EPHB1: variants seen among roughly 807,000 people sequenced by gnomAD.
The protein encoded by EPHB1 is EPH receptor B1, also known as ephrin type-B receptor 1.
A neutral mutation model predicts 94.4 loss-of-function variants in EPHB1; 30 were observed. That is an observed-to-expected ratio of 0.32 (90% CI 0.24 to 0.43). The LOEUF (loss-of-function observed/expected upper bound fraction) is 0.43, where lower values mean the gene tolerates loss of function less well. Among genes scored for constraint, EPHB1 ranks in the 20% least tolerant of loss-of-function variants. EPHB1 has a pLI of 1.00. For missense variants in EPHB1, 1,055 were observed against 1,308.3 expected, an observed-to-expected ratio of 0.81 and a Z score of 2.99; for synonymous variants, 522 against 489.1, an observed-to-expected ratio of 1.07 and a Z score of -0.89.
intron 3 of EPHB1, among the ~76,000 whole-genome samples, chr3:134,976,299 G>A (rs923817376): frequency 6.6e-6 from 1 of 152,186 alleles, no homozygotes; most frequent in African/African-American, 2.4e-5. Flanking sequence ...TGGGATGAAT[G>A]CAACAGCTCC....
At chr3:135,176,344 G>T (rs1941977705) in intron 9 of EPHB1, among the ~76,000 whole-genome samples, 1 of 152,212 alleles carries the variant, frequency 6.6e-6, no homozygotes, top group Non-Finnish European at 1.5e-5. Context: ...ATGTGACAAT[G>T]CTTTCCTCAA....
intron 11 of EPHB1, among the ~76,000 whole-genome samples, chr3:135,200,981 T>A (rs1942736668): frequency 6.6e-6 from 1 of 152,066 alleles, no homozygotes; most frequent in African/African-American, 2.4e-5. Flanking sequence ...AGTACATTAG[T>A]GATGGGTATG....
At position 134,925,304 on chromosome 3, in the gene EPHB1, C is replaced by T. The variant is rs113402362; in HGVS notation, c.59-512C>T. On this transcript the variant is annotated intron_variant, in intron 1 of 15. Transcript: ENST00000398015. ...TACCCAAGGGTGTCAATATAGATGC[C>T]TGATGGGGAGGCAGAGGAGAATGTG... Among the ~76,000 whole-genome samples, 1,173 of 152,286 alleles carry T rather than the reference C, an allele frequency of 7.7e-3. 5 individuals are homozygous for T. The highest frequency in any genetic ancestry group is 0.013 in the Non-Finnish European group (863 of 68,032).
chr3:134,824,143 T>C (rs2036432676), intron 1 of EPHB1, among the ~76,000 whole-genome samples: 3 of 128,238 alleles, frequency 2.3e-5, no homozygotes, highest in Admixed American at 7.5e-5. Context: ...TTTTTTTTTT[T>C]TTTTTTTGGT....
chr3:135,234,147 A>C (rs971313446), intron 12 of EPHB1, among the ~76,000 whole-genome samples: 1 of 152,216 alleles, frequency 6.6e-6, no homozygotes, highest in Admixed American at 6.5e-5. Flanking sequence ...CAAATTTTCC[A>C]AACTTTTATG....
At chr3:135,061,323 T>C (rs1485444009) in intron 3 of EPHB1, among the ~76,000 whole-genome samples, 1 of 151,590 alleles carries the variant, frequency 6.6e-6, no homozygotes, top group Non-Finnish European at 1.5e-5. Context: ...GTATCATTCT[T>C]ATGCTTTTGT....
At chr3:134,860,040 A>G (rs2037213630) in intron 1 of EPHB1, among the ~76,000 whole-genome samples, 1 of 151,898 alleles carries the variant, frequency 6.6e-6, no homozygotes. Context: ...CTTTTTTCAT[A>G]TGGTTTTTTC....
At chr3:135,224,257 T>C (rs1401782159) in intron 12 of EPHB1, among the ~76,000 whole-genome samples, 1 of 152,240 alleles carries the variant, frequency 6.6e-6, no homozygotes, top group African/African-American at 2.4e-5. Context: ...AATGCATGAC[T>C]GGATTTCCAC....
intron 3 of EPHB1, among the ~76,000 whole-genome samples, chr3:135,032,013 G>A (rs1248108574): frequency 6.6e-6 from 1 of 151,800 alleles, no homozygotes; most frequent in Non-Finnish European, 1.5e-5. Context: ...TTTCTTCGTT[G>A]GAAGCATTCA....
chr3:135,141,502 C>T (rs1017376746), intron 5 of EPHB1, among the ~76,000 whole-genome samples: 1 of 152,024 alleles, frequency 6.6e-6, no homozygotes, highest in African/African-American at 2.4e-5. Context: ...GTGCTGCCTC[C>T]TAAACCAGCG....
At chr3:135,224,098 T>C (rs903534873) in intron 12 of EPHB1, among the ~76,000 whole-genome samples, 1 of 152,238 alleles carries the variant, frequency 6.6e-6, no homozygotes, top group Non-Finnish European at 1.5e-5. Flanking sequence ...GCCAACAGTA[T>C]TCTTCATAGT....
intron 3 of EPHB1, among the ~76,000 whole-genome samples, chr3:134,970,495 C>A (rs1933926919): frequency 6.6e-6 from 1 of 152,192 alleles, no homozygotes; most frequent in Non-Finnish European, 1.5e-5. Context: ...TACTTCATGG[C>A]ACTTATTATA....
intron 3 of EPHB1, among the ~76,000 whole-genome samples, chr3:135,048,159 GGGA>G (rs1341892249): frequency 3.0e-4 from 45 of 151,528 alleles, no homozygotes; most frequent in African/African-American, 1.1e-3. Flanking sequence ...GGAAGGAGGA[GGGA>G]AGGGAATCCT....
At chr3:135,048,818 G>C (rs1401917924) in intron 3 of EPHB1, among the ~76,000 whole-genome samples, 2 of 152,208 alleles carry the variant, frequency 1.3e-5, no homozygotes, top group East Asian at 1.9e-4. Context: ...CATCCTATGA[G>C]TGTCTGTTTC....
At position 135,053,027 on chromosome 3, in the gene EPHB1, GTA is replaced by G. The variant is rs1243029809; in HGVS notation, c.806-53394_806-53393del. 1.4e-4 allele frequency among the ~76,000 whole-genome samples: 16 copies of G among 110,464 alleles called. 1 individual carries two copies. The highest frequency in any genetic ancestry group is 4.2e-3 in the Middle Eastern group (1 of 236). 72.5% of individuals were successfully genotyped at this position (110,464 alleles called of 152,430 possible). On this transcript the variant is annotated intron_variant, in intron 3 of 15. Transcript: ENST00000398015. Reference sequence around the variant, plus strand: ...TGTGTATATATATGTGTGTGTGTGTGTATATATATATATATATATATATATAT... The same window carrying G: ...TGTGTATATATATGTGTGTGTGTGTGTATATATATATATATATATATATAT...
At chr3:134,899,546 G>A (rs527967008) in intron 1 of EPHB1, among the ~76,000 whole-genome samples, 2 of 152,244 alleles carry the variant, frequency 1.3e-5, no homozygotes, top group African/African-American at 4.8e-5. Context: ...TTCCCAAAAG[G>A]CAGAATAAAT....
Position 135,254,526 on chromosome 3 carries a change from G to A in EPHB1, c.2847-4486G>A, listed in dbSNP as rs573309661. Among the ~76,000 whole-genome samples, 1,222 of 150,624 alleles carry A rather than the reference G, an allele frequency of 8.1e-3. 16 individuals are homozygous for A. Among genetic ancestry groups the A allele is most frequent in the African/African-American group, 0.027 (1,119 of 40,960 alleles). On this transcript the variant is annotated intron_variant, in intron 15 of 15. Coordinates refer to ENST00000398015, the MANE Select transcript of EPHB1 (RefSeq NM_004441.5). ...TATGCTGGATTACATTTATTGATTT[G>A]CGTATATTGAACCAGCCTTGCATCC...
intron 3 of EPHB1, among the ~76,000 whole-genome samples, chr3:135,024,881 T>C (rs1188951282): frequency 3.9e-5 from 6 of 152,272 alleles, no homozygotes; most frequent in Non-Finnish European, 5.9e-5. Context: ...GCTGAGGATT[T>C]GGATCTCTTG....
chr3:134,856,066 A>G (rs1031432425), intron 1 of EPHB1, among the ~76,000 whole-genome samples: 8 of 152,182 alleles, frequency 5.3e-5, no homozygotes, highest in African/African-American at 1.4e-4. Context: ...CAGGAATACA[A>G]ATAAGGAAGC....
Sources: allele counts gnomAD v4.1 joint callset (sites outside exome capture counted in the v4.1 genomes callset), GRCh38; gene constraint gnomAD v4.1.1; transcripts MANE v1.5; gene names NCBI Gene and HGNC (gene_info 2026-07-23, HGNC 2026-07-21).